The following ITGB4 variants were observed in gnomAD, a reference collection of about 807,000 sequenced individuals.
The protein encoded by ITGB4 is integrin beta-4.
Under a neutral mutation model 207.6 loss-of-function variants are expected in ITGB4, and 159 were observed. The observed-to-expected ratio is 0.77, with a 90% CI of 0.67 to 0.87. The LOEUF is 0.87. Ranked by LOEUF, ITGB4 falls within the 40% of genes least tolerant of loss-of-function variation. The pLI is 0.00. For synonymous variants in ITGB4, 1,020 were observed against 1,062.7 expected (o/e 0.96, Z 0.78); for missense variants, 2,278 against 2,546.8 (o/e 0.89, Z 2.27).
In ITGB4 at chr17:75,729,325, G is replaced by A; in HGVS notation, c.627G>A (p.Leu209=). 1 of 1,614,174 alleles carries A rather than the reference G, an allele frequency of 6.2e-7. No homozygotes were observed. Among genetic ancestry groups the A allele is most frequent in the African/African-American group, 1.3e-5 (1 of 75,046 alleles). ...PPFSFKNVIS[L]TEDVDEFRNK... is the part of the protein sequence containing the mutation. ...TCTCCTTCAAGAACGTCATCAGCCT[G>A]ACAGAAGATGTGGATGAGTTCCGGA... The change falls in exon 7 of 40, where the codon CTG becomes CTA. Residue 209 remains leucine, a synonymous_variant. Transcript: ENST00000200181. This position sits in a 1 kb window ranked among gnomAD's most constrained non-coding sequence, Gnocchi z 4.4.
Position 75,756,002 on chromosome 17 carries a change from T to C in ITGB4, c.4708+152T>C, listed in dbSNP as rs1416135247. The C allele has an allele frequency of 5.3e-6, 5 of 948,946 alleles. No individual in the cohort carries two copies. In the South Asian group the frequency reaches 7.3e-5, roughly 14 times the overall value. 58.8% of individuals were successfully genotyped at this position (948,946 alleles called of 1,614,324 possible). A position where few individuals can be genotyped will look rare whatever the true frequency, so the allele number is the denominator to read the frequency against. ...AGCCTGAGAGGGTCTCCCACCCCAT[T>C]CTCCACCCCACTTCTTTGCCTCCCC... On this transcript the variant is annotated intron_variant, in intron 35 of 39. Coordinates refer to ENST00000200181, the MANE Select transcript of ITGB4 (RefSeq NM_000213.5).
chr17:75,728,037 G>T (rs888102488), intron 5 of ITGB4, among the ~76,000 whole-genome samples, 182 bp downstream of exon 5: 1 of 152,052 alleles, frequency 6.6e-6, no homozygotes, highest in Non-Finnish European at 1.5e-5. Flanking sequence ...CTCACCACTG[G>T]GGACTTCTGA....
Position 75,732,295 on chromosome 17 carries a change from C to A in ITGB4, c.1454+56C>A. 6.4e-7 allele frequency: 1 copy of A among 1,550,640 alleles called. No individual in the cohort carries two copies. Among genetic ancestry groups the A allele is most frequent in the Non-Finnish European group, 8.9e-7 (1 of 1,123,254 alleles). Reference sequence around the variant, plus strand: ...ACACCAGTGGCCCCTGATGGGAAAGCTGGGCTCCTGCAGGGGCCTGGCCCT... The same window carrying A: ...ACACCAGTGGCCCCTGATGGGAAAGATGGGCTCCTGCAGGGGCCTGGCCCT... On this transcript the variant is annotated intron_variant, in intron 12 of 39. Coordinates refer to ENST00000200181, the MANE Select transcript of ITGB4 (RefSeq NM_000213.5). This position sits in a 1 kb window ranked among gnomAD's most constrained non-coding sequence, Gnocchi z 5.3.
In ITGB4 at chr17:75,731,234, T is replaced by C. The variant is rs1399167256; in HGVS notation, c.1093-12T>C. 1 of 1,613,252 alleles carries C rather than the reference T, an allele frequency of 6.2e-7. No homozygotes were observed. The highest frequency in any genetic ancestry group is 8.5e-7 in the Non-Finnish European group (1 of 1,180,006). ...CCCCACAGAGCACTGATCAACCTCC[T>C]TCCTCCTTTAGCGGATCCGCTCCAA... On this transcript the variant is annotated splice_polypyrimidine_tract_variant and intron_variant, in intron 9 of 39. Coordinates refer to ENST00000200181, the MANE Select transcript of ITGB4 (RefSeq NM_000213.5). The surrounding 1 kb of genome is among the most constrained non-coding windows in gnomAD (Gnocchi z 6.8).
intron 23 of ITGB4, among the ~76,000 whole-genome samples, chr17:75,741,535 G>T: frequency 6.6e-6 from 1 of 152,160 alleles, no homozygotes. Flanking sequence ...GCTGTGCGTG[G>T]TGGCTCACAC....
chr17:75,735,008 T>C (rs1038189045), intron 13 of ITGB4, among the ~76,000 whole-genome samples: 1 of 152,270 alleles, frequency 6.6e-6, no homozygotes, highest in African/African-American at 2.4e-5. Context: ...TTATGAAATC[T>C]AATAATTTGT....
At chr17:75,754,950 ACACG>A (rs2061456678) in intron 34 of ITGB4, 135 bp downstream of exon 34, 22 of 1,376,852 alleles carry the variant, frequency 1.6e-5, no homozygotes, top group Non-Finnish European at 7.0e-6. Flanking sequence ...ATGCACGCAC[ACACG>A]TGCACACGCA....
Position 75,731,154 on chromosome 17 carries a change from T to G in ITGB4, c.1093-92T>G. The G allele has an allele frequency of 3.7e-6, 6 of 1,600,948 alleles. No homozygotes were observed. The highest frequency in any genetic ancestry group is 5.1e-6 in the Non-Finnish European group (6 of 1,171,824). On this transcript the variant is annotated intron_variant, in intron 9 of 39. Coordinates refer to ENST00000200181, the MANE Select transcript of ITGB4 (RefSeq NM_000213.5). The surrounding 1 kb of genome is among the most constrained non-coding windows in gnomAD (Gnocchi z 6.8). ...CTGGCCCTGGCTCCTGCAGGCTCTG[T>G]GATACCCCGCATGATGCCAGCCACA...
At position 75,752,161 on chromosome 17, in the gene ITGB4, C is replaced by G. The variant is rs1264406335; in HGVS notation, c.3794-13C>G. ...GACCTGGGTGACCCTCTGAAGCACTCTCTCTGCCCCAGGACCTATTGGGCC... is the reference window on the plus strand; with the variant it reads ...GACCTGGGTGACCCTCTGAAGCACTGTCTCTGCCCCAGGACCTATTGGGCC... On this transcript the variant is annotated splice_polypyrimidine_tract_variant and intron_variant, in intron 30 of 39. Coordinates refer to ENST00000200181, the MANE Select transcript of ITGB4 (RefSeq NM_000213.5). 1 of 1,613,692 alleles carries G rather than the reference C, an allele frequency of 6.2e-7. No homozygotes were observed. The highest frequency in any genetic ancestry group is 8.5e-7 in the Non-Finnish European group (1 of 1,179,898).
chr17:75,739,560 G>A lies in ITGB4; in HGVS notation c.2221-112G>A. ...TACCACCTGGATATTCTGGTGTCTG[G>A]GGAGGCACTGTCACCCCTCTTGACC... is the stretch of plus-strand genomic sequence containing the variant. On this transcript the variant is annotated intron_variant, in intron 18 of 39. Transcript: ENST00000200181. This position sits in a 1 kb window ranked among gnomAD's most constrained non-coding sequence, Gnocchi z 5.4. 2.6e-6 allele frequency: 3 copies of A among 1,175,970 alleles called. No individual in the cohort carries two copies. Among genetic ancestry groups the A allele is most frequent in the Non-Finnish European group, 3.8e-6 (3 of 787,906 alleles). 72.8% of individuals were successfully genotyped at this position (1,175,970 alleles called of 1,614,324 possible).
In ITGB4 at chr17:75,742,826, T is replaced by G. The variant is rs2061146548; in HGVS notation, c.2962+65T>G. 3.4e-6 allele frequency: 5 copies of G among 1,490,898 alleles called. No individual in the cohort carries two copies. Among genetic ancestry groups the G allele is most frequent in the East Asian group, 2.3e-5 (1 of 42,568 alleles). The allele number at this position is 1,490,898 out of a possible 1,614,324, so 92.4% of individuals were successfully genotyped here. The stretch of plus-strand genomic sequence containing the variant: ...CTCGGGGGCACTGGTTCCTCCTGCT[T>G]AAGTGGAATTGCGACCTGGCCACGT... On this transcript the variant is annotated intron_variant, in intron 25 of 39. Transcript: ENST00000200181. The surrounding 1 kb of genome is among the most constrained non-coding windows in gnomAD (Gnocchi z 5.9).
intron 18 of ITGB4, among the ~76,000 whole-genome samples, chr17:75,738,033 C>T (rs184305713): frequency 2.8e-4 from 42 of 152,346 alleles, no homozygotes; most frequent in African/African-American, 9.9e-4. Flanking sequence ...TGTCTGGATT[C>T]TGGTCCCAGC....
rs1307802587 is a variant in ITGB4, at chr17:75,736,701, GC to G, written c.1990+8del. ...GTGGACGAGCTTAAGAGAGGTAGGG[GC>G]AGGGGCTGAGGGTTGGGGTTGCTGA... On this transcript the variant is annotated splice_region_variant and intron_variant, in intron 16 of 39. Transcript: ENST00000200181. 2.2e-5 allele frequency: 35 copies of G among 1,591,200 alleles called. No homozygotes were observed. Among genetic ancestry groups the G allele is most frequent in the Non-Finnish European group, 3.0e-5 (35 of 1,170,358 alleles).
At chr17:75,745,165 G>A (rs1449584180) in intron 26 of ITGB4, among the ~76,000 whole-genome samples, 2 of 152,096 alleles carry the variant, frequency 1.3e-5, no homozygotes, top group Non-Finnish European at 2.9e-5. Flanking sequence ...GGCTAAGGTG[G>A]GAGAATCACT....
chr17:75,752,649 A>C (rs1388829993), intron 32 of ITGB4, 72 bp downstream of exon 32: 1 of 1,588,896 alleles, frequency 6.3e-7, no homozygotes, highest in African/African-American at 1.3e-5. Context: ...CTGGGTCCAG[A>C]GAGGGCAAAG....
rs1483655550 is a variant in ITGB4, at chr17:75,757,074, G to A, written c.5185G>A (p.Glu1729Lys). Residue 1729 changes from glutamate to lysine, a missense_variant, in exon 38 of 40, where the codon GAG (glutamate) becomes AAG (lysine). Transcript: ENST00000200181. ...CACTGAGGGCTTCGGGCCAGAGCGC[G>A]AGGGCATCATCACCATAGAGTCCCA... is the stretch of plus-strand genomic sequence containing the variant. The part of the protein sequence containing the change: ...RTTEGFGPER[E>K]GIITIESQDG... The A allele has an allele frequency of 2.4e-5, 38 of 1,612,770 alleles. No homozygotes were observed. Among genetic ancestry groups the A allele is most frequent in the Middle Eastern group, 1.6e-4 (1 of 6,084 alleles).
Position 75,740,773 on chromosome 17 carries a change from G to T in ITGB4, c.2551-20G>T, listed in dbSNP as rs1461939805. 3.1e-6 allele frequency: 5 copies of T among 1,612,380 alleles called. No homozygotes were observed. The East Asian group carries it at 1.1e-4, about 36-fold the overall frequency. ...CGGGGTGGCCTAGGCCCAGCCTCACGCCCCTCCCTTGCCTGGCAGCTGAAC... is the reference window on the plus strand; with the variant it reads ...CGGGGTGGCCTAGGCCCAGCCTCACTCCCCTCCCTTGCCTGGCAGCTGAAC... On this transcript the variant is annotated intron_variant, in intron 21 of 39. Coordinates refer to ENST00000200181, the MANE Select transcript of ITGB4 (RefSeq NM_000213.5). This position sits in a 1 kb window ranked among gnomAD's most constrained non-coding sequence, Gnocchi z 5.9.
rs2060793231 is a variant in ITGB4 at position 75,729,115 on chromosome 17, GC to G, written c.567-149del. On this transcript the variant is annotated intron_variant, in intron 6 of 39. Coordinates refer to ENST00000200181, the MANE Select transcript of ITGB4 (RefSeq NM_000213.5). The surrounding 1 kb of genome is among the most constrained non-coding windows in gnomAD (Gnocchi z 4.4). ...AGAGGTTGCAGTGAGCCAAGATCGT[GC>G]ATACCGCACACCAGCCTGGGTGATA... 12 of 678,916 alleles carry G rather than the reference GC, an allele frequency of 1.8e-5. No individual in the cohort carries two copies. The South Asian group carries it at 2.4e-4, about 14-fold the overall frequency. The allele number at this position is 678,916 out of a possible 1,614,324, so 42.1% of individuals were successfully genotyped here. A position where few individuals can be genotyped will look rare whatever the true frequency, so the allele number is the denominator to read the frequency against.
chr17:75,728,508 G>C, intron 6 of ITGB4, 35 bp downstream of exon 6: 1 of 1,536,216 alleles, frequency 6.5e-7, no homozygotes, highest in Non-Finnish European at 9.0e-7. Flanking sequence ...GGTGGGCAAG[G>C]GTCCAGGCCA....
Sources: allele counts gnomAD v4.1 joint callset (sites outside exome capture counted in the v4.1 genomes callset), GRCh38; gene constraint gnomAD v4.1.1; non-coding constraint Gnocchi (gnomAD v3.1); transcripts MANE v1.5; gene names NCBI Gene and HGNC (gene_info 2026-07-23, HGNC 2026-07-21).